Variants in UBE2E2 observed in about 807,000 individuals in gnomAD.
UBE2E2 encodes ubiquitin-conjugating enzyme E2 E2.
Under a neutral mutation model 24.7 loss-of-function variants are expected in UBE2E2, and 6 were observed. The ratio of observed to expected loss-of-function variants is 0.24; its 90% CI spans 0.13 to 0.48. UBE2E2 has a LOEUF of 0.48. Among genes scored for constraint, UBE2E2 ranks in the 20% least tolerant of loss-of-function variants. The pLI is 0.99. For missense variants in UBE2E2, 169 were observed against 245.0 expected (o/e 0.69, Z 2.07); for synonymous variants, 104 against 83.6 (o/e 1.24, Z -1.33).
At chr3:23,275,371 C>T (rs1411692384) in intron 3 of UBE2E2, among the ~76,000 whole-genome samples, 10 of 152,024 alleles carry the variant, frequency 6.6e-5, no homozygotes, top group East Asian at 1.9e-4. Context: ...GGACATGTCC[C>T]GGAAGCTGAA....
At chr3:23,214,599 G>A (rs991300880) in intron 2 of UBE2E2, among the ~76,000 whole-genome samples, 1 of 151,036 alleles carries the variant, frequency 6.6e-6, no homozygotes, top group Non-Finnish European at 1.5e-5. Context: ...TAAACCTAAA[G>A]GGCAGTATAA....
intron 3 of UBE2E2, among the ~76,000 whole-genome samples, chr3:23,416,801 A>G (rs117773627): frequency 0.029 from 4,380 of 152,034 alleles, 110 homozygotes; most frequent in East Asian, 0.13. Flanking sequence ...CATTGAGTTG[A>G]TCAGCAGTCT....
intron 3 of UBE2E2, among the ~76,000 whole-genome samples, chr3:23,413,563 C>G (rs1697548503): frequency 6.6e-6 from 1 of 152,112 alleles, no homozygotes; most frequent in South Asian, 2.1e-4. Flanking sequence ...ATTCTCCTCT[C>G]TCTGCCTGGA....
intron 5 of UBE2E2, among the ~76,000 whole-genome samples, chr3:23,534,995 G>A (rs1211196863): frequency 6.6e-6 from 1 of 151,938 alleles, no homozygotes; most frequent in Non-Finnish European, 1.5e-5. Flanking sequence ...TTTGTAATTT[G>A]CACTTGTCTC....
At chr3:23,323,194 A>G (rs1243603596) in intron 3 of UBE2E2, among the ~76,000 whole-genome samples, 1 of 152,154 alleles carries the variant, frequency 6.6e-6, no homozygotes, top group African/African-American at 2.4e-5. Flanking sequence ...TTATGAAGGT[A>G]GGTTGGACAG....
At chr3:23,226,920 A>G (rs1047777744) in intron 3 of UBE2E2, among the ~76,000 whole-genome samples, 17 of 151,686 alleles carry the variant, frequency 1.1e-4, no homozygotes, top group African/African-American at 3.9e-4. Flanking sequence ...AAAGTGTTGC[A>G]TGAATACAGG....
intron 5 of UBE2E2, among the ~76,000 whole-genome samples, chr3:23,579,337 A>G (rs988284290): frequency 1.3e-5 from 2 of 150,606 alleles, no homozygotes; most frequent in East Asian, 1.9e-4. Flanking sequence ...GTGAGCCAAG[A>G]TCGTGCCACT....
At chr3:23,502,807 C>T (rs1308741869) in intron 4 of UBE2E2, among the ~76,000 whole-genome samples, 1 of 152,110 alleles carries the variant, frequency 6.6e-6, no homozygotes, top group East Asian at 1.9e-4. Context: ...CATTGAATTT[C>T]TTATATGTTT....
chr3:23,580,817 C>T (rs985321043), intron 5 of UBE2E2, among the ~76,000 whole-genome samples: 1 of 152,150 alleles, frequency 6.6e-6, no homozygotes, highest in East Asian at 1.9e-4. Flanking sequence ...CATAAGCAAA[C>T]AAACATAATC....
At chr3:23,206,423 A>G (rs1040359277) in intron 1 of UBE2E2, among the ~76,000 whole-genome samples, 3 of 152,222 alleles carry the variant, frequency 2.0e-5, no homozygotes, top group African/African-American at 4.8e-5. Context: ...TCAGTGTTCT[A>G]TTAAGTGACT....
chr3:23,392,710 G>T (rs1160517951), intron 3 of UBE2E2, among the ~76,000 whole-genome samples: 1 of 152,122 alleles, frequency 6.6e-6, no homozygotes, highest in Non-Finnish European at 1.5e-5. Context: ...TAAAATGTTA[G>T]CTCTTTTTAT....
chr3:23,238,036 T>A (rs554327237), intron 3 of UBE2E2, among the ~76,000 whole-genome samples: 1 of 152,288 alleles, frequency 6.6e-6, no homozygotes, highest in East Asian at 1.9e-4. Flanking sequence ...ATTTTAATCA[T>A]TCCATCCACA....
At chr3:23,374,343 AAGAC>A (rs1295488241) in intron 3 of UBE2E2, among the ~76,000 whole-genome samples, 2 of 152,192 alleles carry the variant, frequency 1.3e-5, no homozygotes, top group South Asian at 2.1e-4. Flanking sequence ...CCTTTTTTAA[AAGAC>A]AGATTATGTA....
chr3:23,579,384 C>CAA (rs796492703), intron 5 of UBE2E2, among the ~76,000 whole-genome samples: 25 of 86,998 alleles, frequency 2.9e-4, no homozygotes, highest in South Asian at 3.6e-4. Flanking sequence ...GACTCCATCT[C>CAA]AAAAAAAAAA....
At chr3:23,252,517 G>A (rs1294494992) in intron 3 of UBE2E2, among the ~76,000 whole-genome samples, 1 of 152,000 alleles carries the variant, frequency 6.6e-6, no homozygotes, top group African/African-American at 2.4e-5. Flanking sequence ...AATTTTTTGA[G>A]ACGGAGTCTA....
At chr3:23,483,209 A>T (rs1049425749) in intron 3 of UBE2E2, among the ~76,000 whole-genome samples, 1 of 152,224 alleles carries the variant, frequency 6.6e-6, no homozygotes, top group Non-Finnish European at 1.5e-5. Flanking sequence ...GTGCTCGTCT[A>T]GGTTTGAAAT....
intron 3 of UBE2E2, among the ~76,000 whole-genome samples, chr3:23,305,150 T>C (rs1474936632): frequency 6.6e-6 from 1 of 152,200 alleles, no homozygotes; most frequent in Non-Finnish European, 1.5e-5. Context: ...ACAAGTACTG[T>C]CATTTTTTCC....
At chr3:23,371,219 G>A (rs1012273478) in intron 3 of UBE2E2, among the ~76,000 whole-genome samples, 2 of 151,926 alleles carry the variant, frequency 1.3e-5, no homozygotes, top group African/African-American at 4.8e-5. Context: ...TTGTAGAGAT[G>A]GTAGTCTCAC....
At chr3:23,379,322 C>A (rs1346714717) in intron 3 of UBE2E2, among the ~76,000 whole-genome samples, 2 of 150,948 alleles carry the variant, frequency 1.3e-5, no homozygotes, top group East Asian at 3.9e-4. Flanking sequence ...TATACATGTG[C>A]CATGCTGGTG....
Sources: gnomAD v4.1 joint callset for allele counts (sites outside exome capture counted in the v4.1 genomes callset) on GRCh38, gnomAD v4.1.1 for gene constraint, MANE v1.5 for transcripts, NCBI Gene and HGNC (gene_info 2026-07-23, HGNC 2026-07-21) for gene names.